Variants in PITX1 observed in about 807,000 individuals in gnomAD.
The protein encoded by PITX1 is paired like homeodomain 1, also known as pituitary homeobox 1.
A neutral mutation model predicts 24.1 loss-of-function variants in PITX1; 5 were observed. The ratio of observed to expected loss-of-function variants is 0.21; its 90% CI spans 0.11 to 0.44. PITX1 has a LOEUF of 0.44. Among genes scored for constraint, PITX1 ranks in the 20% least tolerant of loss-of-function variants. The probability of loss-of-function intolerance (pLI) is 0.99; values close to 1 mark genes in which losing one functional copy is unlikely to be tolerated. For synonymous variants in PITX1, 213 were observed against 208.9 expected, an observed-to-expected ratio of 1.02 and a Z score of -0.17; for missense variants, 401 against 455.4, an observed-to-expected ratio of 0.88 and a Z score of 1.09.
At chr5:135,030,535 C>T (rs772537926) in intron 2 of PITX1, among the ~76,000 whole-genome samples, 2 of 152,196 alleles carry the variant, frequency 1.3e-5, no homozygotes, top group Non-Finnish European at 2.9e-5. Flanking sequence ...AAATGATTCT[C>T]TTGCTACCCT....
In PITX1 at chr5:135,033,959, C is replaced by CAA; in HGVS notation, c.-80_-79dup. 1 of 984,318 alleles carries CAA rather than the reference C, an allele frequency of 1.0e-6. No individual in the cohort carries two copies. Among genetic ancestry groups the CAA allele is most frequent in the South Asian group, 3.3e-5 (1 of 30,726 alleles). The allele number at this position is 984,318 out of a possible 1,614,324, so 61.0% of individuals were successfully genotyped here. ...CCGCCCTGGCTGCGACCTGCGGGGA[C>CAA]AAGAGCGCAGCGCCTAAGCGGCTGC... On this transcript the variant is annotated 5_prime_UTR_variant, in exon 1 of 3. Coordinates refer to ENST00000265340, the MANE Select transcript of PITX1 (RefSeq NM_002653.5). This position sits in a 1 kb window ranked among gnomAD's most constrained non-coding sequence, Gnocchi z 5.9.
In PITX1 at chr5:135,029,290, C is replaced by T. The variant is rs1399013260; in HGVS notation, c.434G>A (p.Arg145His). The change falls in exon 3 of 3, where the codon CGT (arginine) becomes CAT (histidine). Residue 145 changes from arginine (R) to histidine (H), a missense_variant. Physicochemically the swap from Arg to His is conservative, Grantham distance 29 (BLOSUM62 0). This residue lies in a region of PITX1 where 48 missense variants were observed against 102.2 expected (regional missense o/e 0.47). Transcript: ENST00000265340. ...CAGCTGCTGGTTACGCTCGCGCTTA[C>T]GCCACTTGGCTCGCCGGTTCTTGAA... ...VWFKNRRAKW[R>H]KRERNQQLDL... 1 of 1,604,158 alleles carries T rather than the reference C, an allele frequency of 6.2e-7. No homozygotes were observed. The highest frequency in any genetic ancestry group is 8.5e-7 in the Non-Finnish European group (1 of 1,174,242).
chr5:135,031,667 G>C (rs980560984), intron 1 of PITX1, 159 bp from the exon 2 acceptor site: 1 of 633,014 alleles, frequency 1.6e-6, no homozygotes, highest in African/African-American at 1.8e-5. Flanking sequence ...CGCCCGCCGG[G>C]TGCTGGTCGT....
In PITX1 at chr5:135,033,662, G is replaced by T. The variant is rs750504262; in HGVS notation, c.169+51C>A. 1.0e-5 allele frequency: 16 copies of T among 1,571,694 alleles called. No homozygotes were observed. Among genetic ancestry groups the T allele is most frequent in the South Asian group, 1.1e-5 (1 of 88,792 alleles). The stretch of plus-strand genomic sequence containing the variant: ...TCAGGCCCTGCTCCCAGCTCCCCGT[G>T]CTCCGCGCCCGGGTAGGCTCTGTGC... On this transcript the variant is annotated intron_variant, in intron 1 of 2. Coordinates refer to ENST00000265340, the MANE Select transcript of PITX1 (RefSeq NM_002653.5). This position sits in a 1 kb window ranked among gnomAD's most constrained non-coding sequence, Gnocchi z 5.9.
At chr5:135,031,858 G>A (rs1372614572) in intron 1 of PITX1, 3 of 370,394 alleles carry the variant, frequency 8.1e-6, no homozygotes, top group Non-Finnish European at 1.5e-5. Flanking sequence ...GAACTCTTAG[G>A]GGGTCTAAAT....
intron 2 of PITX1, among the ~76,000 whole-genome samples, 191 bp downstream of exon 2, chr5:135,031,085 G>T (rs777960396): frequency 3.3e-5 from 5 of 152,204 alleles, no homozygotes; most frequent in Non-Finnish European, 7.3e-5. Flanking sequence ...TTGAAGGTCC[G>T]AGGCGCCTGG....
upstream of PITX1, chr5:135,034,476 C>T (rs1202427654): frequency 6.6e-6 from 1 of 152,452 alleles, no homozygotes. Flanking sequence ...CTCGCCGCGC[C>T]TCTCCCTCCT....
In PITX1 at chr5:135,033,069, G is replaced by C. The variant is rs922421065; in HGVS notation, c.169+644C>G. On this transcript the variant is annotated intron_variant, in intron 1 of 2. Coordinates refer to ENST00000265340, the MANE Select transcript of PITX1 (RefSeq NM_002653.5). The surrounding 1 kb of genome is among the most constrained non-coding windows in gnomAD (Gnocchi z 5.9). ...CGCGGAGGGAGACGCGCAGGAGCCG[G>C]GGCGGGGGCCAGAGCCGGGCTGCTC... 35 of 444,150 alleles carry C rather than the reference G, an allele frequency of 7.9e-5. No individual in the cohort carries two copies. Among genetic ancestry groups the C allele is most frequent in the Non-Finnish European group, 1.4e-4 (31 of 221,564 alleles). The allele number at this position is 444,150 out of a possible 1,614,324, so 27.5% of individuals were successfully genotyped here.
intron 1 of PITX1, among the ~76,000 whole-genome samples, chr5:135,032,325 T>G (rs1380091089): frequency 1.3e-5 from 2 of 152,190 alleles, no homozygotes; most frequent in Non-Finnish European, 2.9e-5. Flanking sequence ...GCTGTAAGTG[T>G]ATAAACTCCA....
rs775914428 is a variant in PITX1, at chr5:135,031,549, G to T, written c.170-41C>A. On this transcript the variant is annotated intron_variant, in intron 1 of 2. Coordinates refer to ENST00000265340, the MANE Select transcript of PITX1 (RefSeq NM_002653.5). ...CGGGGAGCGGGTCACCTGGGCTTAC[G>T]CCCCGTTGCACCCCGTCCCGGCTCC... 2.7e-5 allele frequency: 41 copies of T among 1,517,624 alleles called. No individual in the cohort carries two copies. The South Asian group carries it at 4.0e-4, about 15-fold the overall frequency. The allele number at this position is 1,517,624 out of a possible 1,614,324, so 94.0% of individuals were successfully genotyped here. A position where few individuals can be genotyped will look rare whatever the true frequency, so the allele number is the denominator to read the frequency against.
chr5:135,029,586 T>C (rs992911536), intron 2 of PITX1, among the ~76,000 whole-genome samples: 10 of 152,248 alleles, frequency 6.6e-5, no homozygotes, highest in African/African-American at 9.6e-5. Context: ...TTAACAGATA[T>C]TCGTTTTCTT....
rs147452369 is a variant in PITX1, at chr5:135,031,396, C to T, written c.282G>A (p.Thr94=). ...CTTGCAACTGCTGGCTTGTGAAGTG[C>T]GTACGTTGCCGCCGCTGCTTCTTCT... ...AKKKKQRRQR[T]HFTSQQLQEL... Residue 94 remains threonine (T), a synonymous_variant, in exon 2 of 3, where the codon ACG becomes ACA. Transcript: ENST00000265340. The T allele has an allele frequency of 1.4e-5, 23 of 1,613,966 alleles. No individual in the cohort carries two copies. Among genetic ancestry groups the T allele is most frequent in the Non-Finnish European group, 1.7e-5 (20 of 1,179,946 alleles).
chr5:135,031,282 G>A lies in PITX1; in HGVS notation c.396C>T (p.Arg132=), dbSNP rs773820698. Residue 132 remains arginine, a synonymous_variant, in exon 2 of 3, where the codon CGC becomes CGT. Transcript: ENST00000265340. ...IAVWTNLTEP[R]VRVWFKNRRA... ...GCGCGCACCCCTTGCTCACCCGCAC[G>A]CGCGGCTCGGTGAGGTTGGTCCACA... is the stretch of plus-strand genomic sequence containing the variant. 1 of 1,613,884 alleles carries A rather than the reference G, an allele frequency of 6.2e-7. No homozygotes were observed. The highest frequency in any genetic ancestry group is 8.5e-7 in the Non-Finnish European group (1 of 1,179,790).
At chr5:135,032,198 G>GCCTAAAGA (rs1383546601) in intron 1 of PITX1, among the ~76,000 whole-genome samples, 1 of 152,174 alleles carries the variant, frequency 6.6e-6, no homozygotes, top group Non-Finnish European at 1.5e-5. Flanking sequence ...ACAGCTCTAT[G>GCCTAAAGA]CCTAAAGACA....
rs1257740467 is a variant in PITX1, at chr5:135,031,304, C to A, written c.374G>T (p.Trp125Leu). Residue 125 changes from tryptophan (W) to leucine (L), a missense_variant, in exon 2 of 3, where the codon TGG becomes TTG. By Grantham distance (61) the Trp-to-Leu change is moderately conservative. Around this residue, in one of 3 missense-constraint regions of PITX1, gnomAD observed 48 missense variants for 102.2 expected, o/e 0.47. Coordinates refer to ENST00000265340, the MANE Select transcript of PITX1 (RefSeq NM_002653.5). ...CACGCGCGGCTCGGTGAGGTTGGTCCACACGGCGATCTCCTCCCTCATGCT... is the reference window on the plus strand; with the variant it reads ...CACGCGCGGCTCGGTGAGGTTGGTCAACACGGCGATCTCCTCCCTCATGCT... ...DMSMREEIAV[W>L]TNLTEPRVRV... 1.2e-6 allele frequency: 2 copies of A among 1,613,962 alleles called. No individual in the cohort carries two copies. The highest frequency in any genetic ancestry group is 1.7e-6 in the Non-Finnish European group (2 of 1,179,944).
chr5:135,031,601 C>T, intron 1 of PITX1, 93 bp from the exon 2 acceptor site: 1 of 1,049,474 alleles, frequency 9.5e-7, no homozygotes, highest in South Asian at 1.5e-5. Flanking sequence ...CCAGCGCTGG[C>T]GGTCTTCCCT....
chr5:135,031,580 A>G, intron 1 of PITX1, 72 bp from the exon 2 acceptor site: 1 of 1,213,600 alleles, frequency 8.2e-7, no homozygotes, highest in Non-Finnish European at 1.2e-6. Context: ...GCTCCACCGA[A>G]CCGCTCGCCA....
Position 135,033,022 on chromosome 5 carries a change from C to T in PITX1, c.169+691G>A, listed in dbSNP as rs1416609472. 2.4e-6 allele frequency: 1 copy of T among 417,256 alleles called. No individual in the cohort carries two copies. The highest frequency in any genetic ancestry group is 7.6e-5 in the East Asian group (1 of 13,172). The allele number at this position is 417,256 out of a possible 1,614,324, so 25.8% of individuals were successfully genotyped here. A position where few individuals can be genotyped will look rare whatever the true frequency, so the allele number is the denominator to read the frequency against. On this transcript the variant is annotated intron_variant, in intron 1 of 2. Transcript: ENST00000265340. This position sits in a 1 kb window ranked among gnomAD's most constrained non-coding sequence, Gnocchi z 5.9. ...CCAGTTCGCTGCTGGAAAAAAGCTC[C>T]AGCTCGGACAAAAAAAGGCAGCGCG...
intron 2 of PITX1, among the ~76,000 whole-genome samples, 154 bp from the exon 3 acceptor site, chr5:135,029,475 A>G (rs1752412995): frequency 6.6e-6 from 1 of 152,180 alleles, no homozygotes; most frequent in Non-Finnish European, 1.5e-5. Context: ...TTCCCTCCAC[A>G]ATGGTTCCTT....
Sources: gnomAD v4.1 joint callset for allele counts (sites outside exome capture counted in the v4.1 genomes callset) on GRCh38, gnomAD v4.1.1 for gene constraint, gnomAD v4.1.1 regional missense constraint, Gnocchi (gnomAD v3.1) non-coding constraint, MANE v1.5 for transcripts, NCBI Gene and HGNC (gene_info 2026-07-23, HGNC 2026-07-21) for gene names.